The following CSMD1 variants were observed in gnomAD, a reference collection of about 807,000 sequenced individuals.
CSMD1 encodes CUB and sushi domain-containing protein 1.
CSMD1 carries 213 observed loss-of-function variants against 417.5 expected under a neutral mutation model. The observed-to-expected ratio is 0.51, with a 90% CI of 0.46 to 0.57. CSMD1 has a LOEUF of 0.57. Ranked by LOEUF, CSMD1 falls within the 20% of genes least tolerant of loss-of-function variation. CSMD1 has a pLI of 0.00. For synonymous variants in CSMD1, 2,862 were observed against 1,736.8 expected, an observed-to-expected ratio of 1.65 and a Z score of -16.11; for missense variants, 6,923 against 4,529.7, an observed-to-expected ratio of 1.53 and a Z score of -15.17.
chr8:4,548,115 C>A (rs750239019), intron 2 of CSMD1, among the ~76,000 whole-genome samples: 1 of 152,032 alleles, frequency 6.6e-6, no homozygotes, highest in South Asian at 2.1e-4. Context: ...AGTTTATTTG[C>A]TTTGATGATG....
At chr8:3,982,445 G>C (rs187461791) in intron 5 of CSMD1, among the ~76,000 whole-genome samples, 1 of 151,900 alleles carries the variant, frequency 6.6e-6, no homozygotes, top group East Asian at 1.9e-4. Context: ...TTAATAGAAA[G>C]ATCTTAACTC....
chr8:3,549,889 G>A (rs1347374430), intron 10 of CSMD1, among the ~76,000 whole-genome samples: 1 of 152,194 alleles, frequency 6.6e-6, no homozygotes, highest in African/African-American at 2.4e-5. Flanking sequence ...TGTAACAAAT[G>A]TAATTTGAAT....
chr8:4,438,612 T>TA (rs1332519518), intron 2 of CSMD1, among the ~76,000 whole-genome samples: 1 of 152,172 alleles, frequency 6.6e-6, no homozygotes, highest in East Asian at 1.9e-4. Context: ...ATCATGCTCC[T>TA]ATTATTTTAT....
intron 52 of CSMD1, among the ~76,000 whole-genome samples, chr8:3,003,237 A>T (rs1015735042): frequency 6.6e-6 from 1 of 152,210 alleles, no homozygotes; most frequent in African/African-American, 2.4e-5. Flanking sequence ...ATTAGGAGGA[A>T]TTTGAACTCA....
chr8:3,903,629 G>C (rs532760110), intron 5 of CSMD1, among the ~76,000 whole-genome samples: 1 of 152,188 alleles, frequency 6.6e-6, no homozygotes, highest in African/African-American at 2.4e-5. Context: ...TTTGAGTAAT[G>C]TGTCAGAAAA....
intron 3 of CSMD1, among the ~76,000 whole-genome samples, chr8:4,075,286 G>A (rs1240501900): frequency 1.3e-5 from 2 of 151,940 alleles, no homozygotes; most frequent in Non-Finnish European, 2.9e-5. Context: ...ATGAATTGTT[G>A]ATATATGTTT....
intron 10 of CSMD1, among the ~76,000 whole-genome samples, chr8:3,524,274 C>A (rs539797227): frequency 4.6e-4 from 70 of 151,620 alleles, no homozygotes; most frequent in African/African-American, 1.6e-3. Flanking sequence ...CACACACACA[C>A]GCACATATAC....
intron 6 of CSMD1, among the ~76,000 whole-genome samples, chr8:3,709,051 G>A (rs1350961127): frequency 6.6e-6 from 1 of 152,082 alleles, no homozygotes; most frequent in Non-Finnish European, 1.5e-5. Context: ...TTTCCAGGCT[G>A]TGCAAAAGGC....
At chr8:4,963,901 A>G (rs527443203) in intron 1 of CSMD1, among the ~76,000 whole-genome samples, 65 of 152,138 alleles carry the variant, frequency 4.3e-4, no homozygotes, top group Non-Finnish European at 8.5e-4. Context: ...TTCCTATCAA[A>G]TATTTTATAC....
At chr8:4,323,973 T>C (rs1799414131) in intron 3 of CSMD1, among the ~76,000 whole-genome samples, 1 of 152,170 alleles carries the variant, frequency 6.6e-6, no homozygotes, top group South Asian at 2.1e-4. Flanking sequence ...TGCAGCCTGC[T>C]GCCTCAAGGA....
At chr8:3,846,682 G>A (rs1010358269) in intron 5 of CSMD1, among the ~76,000 whole-genome samples, 3 of 152,070 alleles carry the variant, frequency 2.0e-5, no homozygotes, top group Non-Finnish European at 2.9e-5. Context: ...GTTTGAGATG[G>A]AGTTTCTCTC....
chr8:4,917,076 T>A (rs1336442277), intron 1 of CSMD1, among the ~76,000 whole-genome samples: 1 of 152,088 alleles, frequency 6.6e-6, no homozygotes, highest in Non-Finnish European at 1.5e-5. Context: ...CGGTAGACTA[T>A]CTATAGGAAG....
intron 1 of CSMD1, among the ~76,000 whole-genome samples, chr8:4,675,626 T>TA (rs11292669): frequency 3.9e-5 from 6 of 152,190 alleles, no homozygotes; most frequent in Non-Finnish European, 5.9e-5. Context: ...AGAATAAACA[T>TA]AAAAAAAGTA....
chr8:4,407,759 G>A (rs1396071696), intron 3 of CSMD1, among the ~76,000 whole-genome samples: 1 of 152,156 alleles, frequency 6.6e-6, no homozygotes, highest in South Asian at 2.1e-4. Context: ...TTTAAAAACA[G>A]TCAAGTAAAT....
chr8:3,456,811 C>T (rs1010504073), intron 12 of CSMD1, among the ~76,000 whole-genome samples: 5 of 152,050 alleles, frequency 3.3e-5, no homozygotes, highest in Non-Finnish European at 5.9e-5. Flanking sequence ...CTACTAAAGG[C>T]CAGGGGTATT....
intron 2 of CSMD1, among the ~76,000 whole-genome samples, chr8:4,565,401 T>C (rs1321133424): frequency 6.6e-6 from 1 of 152,154 alleles, no homozygotes; most frequent in African/African-American, 2.4e-5. Flanking sequence ...CTCTTCATTT[T>C]ACATTGCAGT....
intron 1 of CSMD1, among the ~76,000 whole-genome samples, chr8:4,763,498 G>C (rs955636045): frequency 1.3e-5 from 2 of 152,040 alleles, no homozygotes; most frequent in African/African-American, 4.8e-5. Flanking sequence ...ATAATTTATT[G>C]ATGACTTCTT....
chr8:4,414,119 G>C (rs1389417559), intron 3 of CSMD1, among the ~76,000 whole-genome samples: 1 of 152,146 alleles, frequency 6.6e-6, no homozygotes, highest in Admixed American at 6.5e-5. Flanking sequence ...TCACTTCAAG[G>C]GAGAAATAAA....
At chr8:4,100,200 G>C (rs1035376350) in intron 3 of CSMD1, among the ~76,000 whole-genome samples, 2 of 152,212 alleles carry the variant, frequency 1.3e-5, no homozygotes, top group East Asian at 1.9e-4. Flanking sequence ...GGAAGGGTGA[G>C]GATTAAATGA....
Sources: gnomAD v4.1 joint callset for allele counts (sites outside exome capture counted in the v4.1 genomes callset) on GRCh38, gnomAD v4.1.1 for gene constraint, MANE v1.5 for transcripts, NCBI Gene and HGNC (gene_info 2026-07-23, HGNC 2026-07-21) for gene names.